The following LYPLAL1 variants were observed in gnomAD, a reference collection of about 807,000 sequenced individuals.
The protein encoded by LYPLAL1 is lysophospholipase-like protein 1.
A neutral mutation model predicts 19.7 loss-of-function variants in LYPLAL1; 23 were observed. The observed-to-expected ratio is 1.17, with a 90% CI of 0.84 to 1.65. The LOEUF is 1.65. Ranked by LOEUF, LYPLAL1 falls within the 40% of genes most tolerant of loss-of-function variation. LYPLAL1 has a pLI of 0.00. For missense variants in LYPLAL1, 355 were observed against 279.4 expected (o/e 1.27, Z -1.93); for synonymous variants, 119 against 96.3 (o/e 1.24, Z -1.38).
the LYPLAL1 span, among the ~76,000 whole-genome samples, chr1:219,322,948 A>C: frequency 6.6e-6 from 1 of 152,332 alleles, no homozygotes; most frequent in East Asian, 1.9e-4. Flanking sequence ...ATGTTGAAAT[A>C]GGAAAGTTCT....
At chr1:219,355,006 C>T in the LYPLAL1 span, among the ~76,000 whole-genome samples, 15 of 152,234 alleles carry the variant, frequency 9.9e-5, no homozygotes, top group African/African-American at 3.1e-4. Context: ...TGAATATTTT[C>T]TTAAGGTTCT....
At chr1:219,307,590 TACATGTCAATA>T in the LYPLAL1 span, among the ~76,000 whole-genome samples, 1 of 152,210 alleles carries the variant, frequency 6.6e-6, no homozygotes, top group African/African-American at 2.4e-5. Flanking sequence ...GAGGACAAGA[TACATGTCAATA>T]ACATCTGATT....
downstream of LYPLAL1, among the ~76,000 whole-genome samples, chr1:219,215,194 CTG>C (rs1317053745): frequency 1.3e-5 from 2 of 152,016 alleles, no homozygotes; most frequent in African/African-American, 4.8e-5. Context: ...TCGATGAAGT[CTG>C]TATTTTACAT....
chr1:219,210,422 C>T, intron 3 of LYPLAL1, 110 bp from the exon 4 acceptor site: 1 of 714,654 alleles, frequency 1.4e-6, no homozygotes, highest in Non-Finnish European at 2.1e-6. Context: ...TTCTTTTTAG[C>T]ATTCTCTTTA....
intron 2 of LYPLAL1, among the ~76,000 whole-genome samples, chr1:219,184,340 GAAAT>G (rs1346226649): frequency 4.6e-5 from 7 of 151,858 alleles, no homozygotes; most frequent in Non-Finnish European, 1.0e-4. Context: ...CTAGTACAGA[GAAAT>G]AAATTTTAGT....
At chr1:219,181,738 G>T (rs1039092876) in intron 2 of LYPLAL1, among the ~76,000 whole-genome samples, 1 of 152,064 alleles carries the variant, frequency 6.6e-6, no homozygotes, top group African/African-American at 2.4e-5. Context: ...GGTCAGTTAA[G>T]AGAGATGATA....
intron 2 of LYPLAL1, among the ~76,000 whole-genome samples, chr1:219,181,746 A>C (rs899247163): frequency 6.6e-6 from 1 of 152,126 alleles, no homozygotes. Context: ...AAGAGAGATG[A>C]TATCATACTT....
At chr1:219,337,075 T>TTG in the LYPLAL1 span, among the ~76,000 whole-genome samples, 3 of 151,980 alleles carry the variant, frequency 2.0e-5, no homozygotes, top group Non-Finnish European at 4.4e-5. Flanking sequence ...TTCTCTGCTT[T>TTG]TATCTTCTCA....
chr1:219,183,232 C>T (rs866967752), intron 2 of LYPLAL1, among the ~76,000 whole-genome samples: 1 of 151,858 alleles, frequency 6.6e-6, no homozygotes, highest in African/African-American at 2.4e-5. Context: ...TTTAAATATC[C>T]TCAAAAGAAA....
At chr1:219,327,524 G>T in the LYPLAL1 span, among the ~76,000 whole-genome samples, 2 of 151,912 alleles carry the variant, frequency 1.3e-5, no homozygotes, top group East Asian at 1.9e-4. Flanking sequence ...AGAGGTAGTG[G>T]CAGTGGATTT....
At chr1:219,278,295 G>C in the LYPLAL1 span, among the ~76,000 whole-genome samples, 2 of 152,118 alleles carry the variant, frequency 1.3e-5, no homozygotes, top group African/African-American at 4.8e-5. Flanking sequence ...GACTCATAAT[G>C]TGTCCCAGGC....
chr1:219,239,787 A>G, the LYPLAL1 span, among the ~76,000 whole-genome samples: 1 of 152,224 alleles, frequency 6.6e-6, no homozygotes, highest in Non-Finnish European at 1.5e-5. Flanking sequence ...CCTGGAATAA[A>G]GTTAAATTAC....
chr1:219,306,865 C>T, the LYPLAL1 span, among the ~76,000 whole-genome samples: 2 of 148,976 alleles, frequency 1.3e-5, no homozygotes, highest in Admixed American at 6.7e-5. Context: ...GACAGACAGA[C>T]AGACAGATAG....
chr1:219,229,937 AT>A, the LYPLAL1 span, among the ~76,000 whole-genome samples: 1 of 152,226 alleles, frequency 6.6e-6, no homozygotes, highest in Non-Finnish European at 1.5e-5. Flanking sequence ...ATTTTCTGTC[AT>A]TTAAATGGGT....
chr1:219,418,332 C>T, the LYPLAL1 span, among the ~76,000 whole-genome samples: 5 of 152,078 alleles, frequency 3.3e-5, no homozygotes, highest in African/African-American at 1.2e-4. Flanking sequence ...GTAGCAATTC[C>T]CACACACAAA....
the LYPLAL1 span, among the ~76,000 whole-genome samples, chr1:219,260,020 T>C: frequency 6.6e-6 from 1 of 151,922 alleles, no homozygotes; most frequent in African/African-American, 2.4e-5. Context: ...ATTTATGAAA[T>C]GAATGAATTT....
At chr1:219,330,903 A>G in the LYPLAL1 span, among the ~76,000 whole-genome samples, 1 of 152,214 alleles carries the variant, frequency 6.6e-6, no homozygotes, top group South Asian at 2.1e-4. Flanking sequence ...CCTTGTTTAT[A>G]TAATGCACAG....
chr1:219,205,057 T>TAG (rs1008115002), intron 3 of LYPLAL1, among the ~76,000 whole-genome samples: 13 of 152,120 alleles, frequency 8.5e-5, no homozygotes, highest in Non-Finnish European at 1.6e-4. Flanking sequence ...GGCCTATTAA[T>TAG]AGAATTGAGT....
chr1:219,373,863 CAAAAAA>C, the LYPLAL1 span, among the ~76,000 whole-genome samples: 3 of 102,214 alleles, frequency 2.9e-5, no homozygotes, highest in Admixed American at 1.1e-4. Flanking sequence ...ATAAAATTGT[CAAAAAA>C]AAAAAAAAAA....
Sources: gnomAD v4.1 joint callset for allele counts (sites outside exome capture counted in the v4.1 genomes callset) on GRCh38, gnomAD v4.1.1 for gene constraint, MANE v1.5 for transcripts, NCBI Gene and HGNC (gene_info 2026-07-23, HGNC 2026-07-21) for gene names.